LRP5: variants seen among roughly 807,000 people sequenced by gnomAD.
LRP5 encodes the protein LDL receptor related protein 5.
LRP5 carries 62 observed loss-of-function variants against 154.1 expected under a neutral mutation model. The observed-to-expected ratio is 0.40, with a 90% CI of 0.33 to 0.50. The LOEUF is 0.50. Among genes scored for constraint, LRP5 ranks in the 20% least tolerant of loss-of-function variants. LRP5 has a pLI of 0.55. For synonymous variants in LRP5, 966 were observed against 1,011.5 expected (o/e 0.96, Z 0.85); for missense variants, 1,915 against 2,336.7 (o/e 0.82, Z 3.72).
chr11:68,344,039 C>T (rs796550309), intron 1 of LRP5, among the ~76,000 whole-genome samples: 26 of 152,096 alleles, frequency 1.7e-4, no homozygotes, highest in African/African-American at 6.0e-4. Flanking sequence ...CAGCTGCCTT[C>T]CCCCGCCCGA....
chr11:68,446,189 G>A (rs1397462725), intron 21 of LRP5, among the ~76,000 whole-genome samples: 1 of 152,234 alleles, frequency 6.6e-6, no homozygotes, highest in African/African-American at 2.4e-5. Flanking sequence ...CAGGTACTTG[G>A]AAGGGCGCGG....
intron 7 of LRP5, among the ~76,000 whole-genome samples, chr11:68,397,408 G>A (rs2098650065): frequency 6.6e-6 from 1 of 152,130 alleles, no homozygotes; most frequent in Non-Finnish European, 1.5e-5. Flanking sequence ...ATGCTGGAGG[G>A]ACAGCCCAGC....
At chr11:68,319,967 G>C (rs1162721432) in intron 1 of LRP5, among the ~76,000 whole-genome samples, 1 of 152,012 alleles carries the variant, frequency 6.6e-6, no homozygotes, top group Non-Finnish European at 1.5e-5. Context: ...AGACCAGCCT[G>C]GGCAAAATTG....
chr11:68,386,298 T>C lies in LRP5; in HGVS notation c.1016-18T>C. 6.2e-7 allele frequency: 1 copy of C among 1,609,710 alleles called. No homozygotes were observed. The highest frequency in any genetic ancestry group is 1.7e-4 in the Middle Eastern group (1 of 6,054). On this transcript the variant is annotated intron_variant, in intron 5 of 22. Transcript: ENST00000294304. The surrounding 1 kb of genome is among the most constrained non-coding windows in gnomAD (Gnocchi z 7.9). ...TGCAGGCCCTTGACCCCTGACCCCA[T>C]TGCACCTGTCTCCACAGGAGCCGAG...
At chr11:68,403,754 G>A in intron 8 of LRP5, 55 bp downstream of exon 8, 1 of 1,603,046 alleles carries the variant, frequency 6.2e-7, no homozygotes, top group Non-Finnish European at 8.5e-7. Context: ...GCATGAGGAG[G>A]AAGTGACGGG....
intron 13 of LRP5, among the ~76,000 whole-genome samples, chr11:68,421,713 T>TGTG (rs2098665757): frequency 7.0e-6 from 1 of 143,050 alleles, no homozygotes; most frequent in African/African-American, 2.5e-5. Flanking sequence ...TGTGTGTGTG[T>TGTG]GTGTGTGTGT....
At chr11:68,376,544 A>T (rs1337483149) in intron 5 of LRP5, among the ~76,000 whole-genome samples, 1 of 152,142 alleles carries the variant, frequency 6.6e-6, no homozygotes, top group African/African-American at 2.4e-5. Context: ...AGGTCTATGG[A>T]GGAAGGGCGC....
At chr11:68,320,457 C>CT (rs554377386) in intron 1 of LRP5, among the ~76,000 whole-genome samples, 2,739 of 139,502 alleles carry the variant, frequency 0.02, 35 homozygotes, top group African/African-American at 0.039. Context: ...TCTTCTTCTT[C>CT]TTTTTTTTTT....
At chr11:68,348,364 G>A (rs1022054193) in intron 2 of LRP5, 121 bp downstream of exon 2, 12 of 1,341,022 alleles carry the variant, frequency 8.9e-6, no homozygotes, top group East Asian at 2.4e-5. Context: ...AAATGAACCC[G>A]TGGGGGGGTT....
intron 1 of LRP5, among the ~76,000 whole-genome samples, chr11:68,342,156 C>T (rs766694305): frequency 1.3e-5 from 2 of 151,714 alleles, no homozygotes; most frequent in Non-Finnish European, 2.9e-5. Flanking sequence ...GAACTCCTGG[C>T]CTGAGATGAT....
At chr11:68,417,256 A>T (rs1294811277) in intron 13 of LRP5, among the ~76,000 whole-genome samples, 1 of 152,068 alleles carries the variant, frequency 6.6e-6, no homozygotes, top group Non-Finnish European at 1.5e-5. Context: ...AGAGTGGGTC[A>T]TGGCCCCAGC....
In LRP5 at chr11:68,312,820, G is replaced by A; in HGVS notation, c.91+15G>A. The A allele has an allele frequency of 9.7e-7, 1 of 1,035,198 alleles. No individual in the cohort carries two copies. The highest frequency in any genetic ancestry group is 1.2e-6 in the Non-Finnish European group (1 of 864,294). 64.1% of individuals were successfully genotyped at this position (1,035,198 alleles called of 1,614,324 possible). On this transcript the variant is annotated intron_variant, in intron 1 of 22. Coordinates refer to ENST00000294304, the MANE Select transcript of LRP5 (RefSeq NM_002335.4). ...CCCCGCCGCGGGTAGGTGGGCGCAG[G>A]CCGGCCGGGGGCCGCGGGTTGCTCG...
chr11:68,379,472 C>T (rs2098639156), intron 5 of LRP5, among the ~76,000 whole-genome samples: 3 of 152,174 alleles, frequency 2.0e-5, no homozygotes, highest in East Asian at 1.9e-4. Flanking sequence ...CTTCCAGAAG[C>T]GGGAGATGCC....
In LRP5 at chr11:68,347,899, C is replaced by T. The variant is rs776920568; in HGVS notation, c.144C>T (p.Ala48=). The stretch of plus-strand genomic sequence containing the variant: ...GCCGGGACGTACGGCTGGTGGACGC[C>T]GGCGGAGTCAAGCTGGAGTCCACCA... The part of the protein sequence containing the change: ...ANRRDVRLVD[A]GGVKLESTIV... Residue 48 remains alanine (A), a synonymous_variant, in exon 2 of 23, where the codon GCC becomes GCT. Coordinates refer to ENST00000294304, the MANE Select transcript of LRP5 (RefSeq NM_002335.4). 108 of 1,613,256 alleles carry T rather than the reference C, an allele frequency of 6.7e-5. 3 individuals are homozygous for T. The Admixed American group carries it at 7.8e-4, about 12-fold the overall frequency.
chr11:68,306,369 T>C, the LRP5 span, among the ~76,000 whole-genome samples: 5 of 151,988 alleles, frequency 3.3e-5, no homozygotes, highest in African/African-American at 9.7e-5. Flanking sequence ...CTCATGACCT[T>C]AGGTGATCCA....
intron 2 of LRP5, among the ~76,000 whole-genome samples, chr11:68,355,779 C>T (rs2098622666): frequency 1.3e-5 from 2 of 151,984 alleles, no homozygotes. Context: ...AAAGCCACGT[C>T]GCCCACAGAC....
chr11:68,443,570 TATATATATA>T lies in LRP5; in HGVS notation c.4489-2865_4489-2857del, dbSNP rs1411616242. Among the ~76,000 whole-genome samples the T allele has an allele frequency of 2.1e-3, 85 of 39,956 alleles. 2 individuals carry two copies. The highest frequency in any genetic ancestry group is 4.1e-3 in the African/African-American group (34 of 8,244). 26.2% of individuals were successfully genotyped at this position (39,956 alleles called of 152,430 possible). ...ATATATATATATATATATATATATATATATATATATATATATTTTTTTTTTTTTTGGTTA... is the reference window on the plus strand; with the variant it reads ...ATATATATATATATATATATATATATTATATATTTTTTTTTTTTTTGGTTA... On this transcript the variant is annotated intron_variant, in intron 21 of 22. Coordinates refer to ENST00000294304, the MANE Select transcript of LRP5 (RefSeq NM_002335.4).
intron 17 of LRP5, among the ~76,000 whole-genome samples, chr11:68,433,130 A>G (rs1220045655): frequency 6.6e-6 from 1 of 152,214 alleles, no homozygotes; most frequent in Non-Finnish European, 1.5e-5. Flanking sequence ...CACACCCGCA[A>G]CAGGTGTGGC....
intron 7 of LRP5, among the ~76,000 whole-genome samples, chr11:68,396,895 G>A (rs1253561198): frequency 4.6e-5 from 7 of 152,192 alleles, no homozygotes; most frequent in Admixed American, 3.9e-4. Context: ...CCCACCACGT[G>A]TGAAGCCCGA....
Sources: allele counts gnomAD v4.1 joint callset (sites outside exome capture counted in the v4.1 genomes callset), GRCh38; gene constraint gnomAD v4.1.1; non-coding constraint Gnocchi (gnomAD v3.1); transcripts MANE v1.5; gene names NCBI Gene and HGNC (gene_info 2026-07-23, HGNC 2026-07-21).